The following MAN2A1 variants were observed in gnomAD, a reference collection of about 807,000 sequenced individuals.
MAN2A1 encodes mannosidase alpha class 2A member 1, also known as alpha-mannosidase 2.
A neutral mutation model predicts 142.6 loss-of-function variants in MAN2A1; 76 were observed. The observed-to-expected ratio is 0.53, with a 90% CI of 0.44 to 0.65. The LOEUF (loss-of-function observed/expected upper bound fraction) is 0.65, where lower values mean the gene tolerates loss of function less well. Ranked by LOEUF, MAN2A1 falls within the 30% of genes least tolerant of loss-of-function variation. The pLI, the probability that MAN2A1 is intolerant of heterozygous loss-of-function variation, is 0.00. For synonymous variants in MAN2A1, 559 were observed against 473.2 expected (o/e 1.18, Z -2.35); for missense variants, 1,311 against 1,365.1 (o/e 0.96, Z 0.62).
chr5:109,801,578 T>G (rs1277993525), intron 12 of MAN2A1, among the ~76,000 whole-genome samples: 1 of 152,196 alleles, frequency 6.6e-6, no homozygotes, highest in Non-Finnish European at 1.5e-5. Flanking sequence ...GAGCAGCATC[T>G]GCAAATTAGA....
chr5:109,733,683 G>C (rs968787975), intron 4 of MAN2A1, among the ~76,000 whole-genome samples: 47 of 152,130 alleles, frequency 3.1e-4, no homozygotes, highest in Non-Finnish European at 5.1e-4. Context: ...AGCGTATATT[G>C]AACCAGCCTT....
At chr5:109,785,057 G>A in intron 10 of MAN2A1, 131 bp downstream of exon 10, 1 of 603,314 alleles carries the variant, frequency 1.7e-6, no homozygotes, top group South Asian at 3.3e-5. Flanking sequence ...AAGTATTACT[G>A]TATCAAAACA....
At chr5:109,719,985 A>T (rs1404744188) in intron 3 of MAN2A1, among the ~76,000 whole-genome samples, 2 of 152,214 alleles carry the variant, frequency 1.3e-5, no homozygotes, top group Non-Finnish European at 2.9e-5. Flanking sequence ...GTTTTGAATC[A>T]TAGACCATGA....
chr5:109,833,870 A>G (rs1754994821), intron 16 of MAN2A1, among the ~76,000 whole-genome samples: 1 of 152,184 alleles, frequency 6.6e-6, no homozygotes, highest in Non-Finnish European at 1.5e-5. Context: ...TATGCTTTCA[A>G]TTTTGGTGAA....
intron 19 of MAN2A1, among the ~76,000 whole-genome samples, chr5:109,849,821 G>C (rs1215186847): frequency 6.6e-6 from 1 of 151,876 alleles, no homozygotes; most frequent in East Asian, 1.9e-4. Context: ...GGCCTCCAGA[G>C]CCCCTCATGA....
In MAN2A1 at chr5:109,767,501, T is replaced by TA. The variant is rs1561501510; in HGVS notation, c.836-27dup. ...ACTTCTTTTTATTTCATATATCAAT[T>TA]AAAAAAATTAACACTTATCATCTTT... On this transcript the variant is annotated intron_variant, in intron 5 of 21. Coordinates refer to ENST00000261483, the MANE Select transcript of MAN2A1 (RefSeq NM_002372.4). 9 of 1,572,482 alleles carry TA rather than the reference T, an allele frequency of 5.7e-6. No homozygotes were observed. The South Asian group carries it at 1.0e-4, about 18-fold the overall frequency.
chr5:109,808,608 T>G (rs920796577), intron 12 of MAN2A1, among the ~76,000 whole-genome samples: 1 of 152,208 alleles, frequency 6.6e-6, no homozygotes, highest in East Asian at 1.9e-4. Context: ...ATATAATGTT[T>G]TGAATAGTAT....
intron 8 of MAN2A1, among the ~76,000 whole-genome samples, chr5:109,776,625 C>T (rs1171210207): frequency 6.6e-6 from 1 of 152,026 alleles, no homozygotes; most frequent in Admixed American, 6.6e-5. Flanking sequence ...ATTGAAGTGC[C>T]ACATACATAG....
chr5:109,805,943 C>T (rs10063830), intron 12 of MAN2A1, among the ~76,000 whole-genome samples: 239 of 152,224 alleles, frequency 1.6e-3, no homozygotes, highest in South Asian at 4.1e-3. Context: ...TTTACCACCT[C>T]TTACAGAAAT....
chr5:109,793,745 C>G (rs1472328589), intron 12 of MAN2A1, among the ~76,000 whole-genome samples: 1 of 152,110 alleles, frequency 6.6e-6, no homozygotes, highest in East Asian at 1.9e-4. Flanking sequence ...ACAGAGTTAA[C>G]TTCGTTAAGA....
At chr5:109,808,657 T>G (rs1331924044) in intron 12 of MAN2A1, among the ~76,000 whole-genome samples, 1 of 151,988 alleles carries the variant, frequency 6.6e-6, no homozygotes, top group African/African-American at 2.4e-5. Context: ...GGAAATAGTT[T>G]AAATATTTTT....
At position 109,783,358 on chromosome 5, in the gene MAN2A1, G is replaced by T. The variant is rs577882973; in HGVS notation, c.1578-1386G>T. 6.6e-5 allele frequency among the ~76,000 whole-genome samples: 10 copies of T among 152,122 alleles called. No individual in the cohort carries two copies. In the East Asian group the frequency reaches 1.7e-3, roughly 26 times the overall value. The stretch of plus-strand genomic sequence containing the variant: ...ATGTGGATAAAATATAAAAGTATAG[G>T]GAAGACAATATTTCCCAAATCTTCT... On this transcript the variant is annotated intron_variant, in intron 9 of 21. Coordinates refer to ENST00000261483, the MANE Select transcript of MAN2A1 (RefSeq NM_002372.4).
chr5:109,860,057 A>G (rs1390145753), intron 20 of MAN2A1, among the ~76,000 whole-genome samples: 3 of 152,002 alleles, frequency 2.0e-5, no homozygotes, highest in Admixed American at 1.3e-4. Flanking sequence ...ACTGAATAAG[A>G]TTTTCTCTCT....
chr5:109,820,328 G>T lies in MAN2A1; in HGVS notation c.2437G>T (p.Asp813Tyr). ...DKSGAYLFLPDGNAKPYVYTT... is the reference protein window; with the variant it reads ...DKSGAYLFLPYGNAKPYVYTT... Reference sequence around the variant, plus strand: ...AAGTGGTGCCTACCTCTTCTTACCTGATGGTAATGCCAAGGTAAGTGGTAC... The same window carrying T: ...AAGTGGTGCCTACCTCTTCTTACCTTATGGTAATGCCAAGGTAAGTGGTAC... The change falls in exon 15 of 22, where the codon GAT becomes TAT. Residue 813 changes from aspartate (D) to tyrosine (Y), a missense_variant. Asp to Tyr is a radical substitution (Grantham distance 160). Around this residue, in one of 3 missense-constraint regions of MAN2A1, gnomAD observed 890 missense variants for 920.5 expected, o/e 0.97. Transcript: ENST00000261483. 6.2e-7 allele frequency: 1 copy of T among 1,612,370 alleles called. No individual in the cohort carries two copies. Among genetic ancestry groups the T allele is most frequent in the Admixed American group, 1.7e-5 (1 of 59,804 alleles).
In MAN2A1 at chr5:109,867,750, A is replaced by ATGT. The variant is rs1277234133; in HGVS notation, c.*752_*753insTGT. On this transcript the variant is annotated 3_prime_UTR_variant, in exon 22 of 22. Coordinates refer to ENST00000261483, the MANE Select transcript of MAN2A1 (RefSeq NM_002372.4). ...CCATAAACCTATTTTAGGTACCACAAGGTGTCTTTTTACACAGCTCATTTG... is the reference window on the plus strand; with the variant it reads ...CCATAAACCTATTTTAGGTACCACAATGTGGTGTCTTTTTACACAGCTCATTTG... The ATGT allele has an allele frequency of 6.6e-6, 1 of 152,570 alleles. No individual in the cohort carries two copies. The highest frequency in any genetic ancestry group is 1.5e-5 in the Non-Finnish European group (1 of 68,028). 9.5% of individuals were successfully genotyped at this position (152,570 alleles called of 1,614,324 possible). A position where few individuals can be genotyped will look rare whatever the true frequency, so the allele number is the denominator to read the frequency against.
At chr5:109,753,200 G>T (rs1752593924) in intron 4 of MAN2A1, among the ~76,000 whole-genome samples, 1 of 152,138 alleles carries the variant, frequency 6.6e-6, no homozygotes, top group Non-Finnish European at 1.5e-5. Flanking sequence ...ATCTCATACT[G>T]TCCTGACATC....
Position 109,690,347 on chromosome 5 carries a change from T to A in MAN2A1, c.-71T>A. On this transcript the variant is annotated 5_prime_UTR_variant, in exon 1 of 22. Transcript: ENST00000261483. ...GGAGAAGGGAGCCTCCGGCGGCTGC[T>A]TCCTAGAGTCCACAGTGCGCTGTCT... is the stretch of plus-strand genomic sequence containing the variant. 6.4e-7 allele frequency: 1 copy of A among 1,568,948 alleles called. No homozygotes were observed. The highest frequency in any genetic ancestry group is 8.8e-7 in the Non-Finnish European group (1 of 1,139,882).
Position 109,867,610 on chromosome 5 carries a change from T to TA in MAN2A1, c.*613dup, listed in dbSNP as rs1755919315. On this transcript the variant is annotated 3_prime_UTR_variant, in exon 22 of 22. Coordinates refer to ENST00000261483, the MANE Select transcript of MAN2A1 (RefSeq NM_002372.4). ...TACCCTTTCTAAGTATTTCCAGAAA[T>TA]ACCTGATTTTGAATCATTCAACAGT... 6.6e-6 allele frequency: 1 copy of TA among 152,604 alleles called. No homozygotes were observed. The highest frequency in any genetic ancestry group is 6.5e-5 in the Admixed American group (1 of 15,286). 9.5% of individuals were successfully genotyped at this position (152,604 alleles called of 1,614,324 possible).
At chr5:109,736,560 C>G (rs1449214939) in intron 4 of MAN2A1, among the ~76,000 whole-genome samples, 1 of 151,998 alleles carries the variant, frequency 6.6e-6, no homozygotes, top group African/African-American at 2.4e-5. Flanking sequence ...TACCTTACTT[C>G]TTGAGCATGA....
Sources: allele counts gnomAD v4.1 joint callset (sites outside exome capture counted in the v4.1 genomes callset), GRCh38; gene constraint gnomAD v4.1.1; regional missense constraint gnomAD v4.1.1; transcripts MANE v1.5; gene names NCBI Gene and HGNC (gene_info 2026-07-23, HGNC 2026-07-21).